The following DECR2 variants were observed in gnomAD, a reference collection of about 807,000 sequenced individuals.
DECR2 encodes the protein 2,4-dienoyl-CoA reductase 2, also known as peroxisomal 2,4-dienoyl-CoA reductase [(3E)-enoyl-CoA-producing].
In DECR2, 34 loss-of-function variants were observed where a neutral mutation model predicts 29.2. The ratio of observed to expected loss-of-function variants is 1.16; its 90% confidence interval spans 0.89 to 1.55. The LOEUF (loss-of-function observed/expected upper bound fraction) is 1.55, where lower values mean the gene tolerates loss of function less well. Ranked by LOEUF, DECR2 falls within the 40% of genes most tolerant of loss-of-function variation. DECR2 has a pLI of 0.00. For synonymous variants in DECR2, 224 were observed against 182.7 expected, an observed-to-expected ratio of 1.23 and a Z score of -1.82; for missense variants, 485 against 425.3, an observed-to-expected ratio of 1.14 and a Z score of -1.23.
rs563150166 is a variant in DECR2, at chr16:410,962, T to C, written c.557-10T>C. On this transcript the variant is annotated splice_polypyrimidine_tract_variant and intron_variant, in intron 6 of 8. Coordinates refer to ENST00000219481, the MANE Select transcript of DECR2 (RefSeq NM_020664.4). The surrounding 1 kb of genome is among the most constrained non-coding windows in gnomAD (Gnocchi z 4.1). ...AGCGGCCCTTTCATATCCAACTTTC[T>C]TCTGTGCAGACGCGATGACGCGGCA... 1 of 1,590,474 alleles carries C rather than the reference T, an allele frequency of 6.3e-7. No homozygotes were observed. The highest frequency in any genetic ancestry group is 2.3e-5 in the East Asian group (1 of 43,622).
intron 4 of DECR2, 22 bp downstream of exon 4, chr16:407,582 T>C (rs1310093608): frequency 6.2e-7 from 1 of 1,612,514 alleles, no homozygotes; most frequent in East Asian, 2.2e-5. Flanking sequence ...CTGAGTGAGG[T>C]TGGTGGCTTC....
intron 4 of DECR2, 41 bp downstream of exon 4, chr16:407,601 T>C: frequency 6.2e-7 from 1 of 1,609,426 alleles, no homozygotes; most frequent in Non-Finnish European, 8.5e-7. Context: ...TCTCACAGGT[T>C]GGTGGTACCA....
At chr16:408,142 T>C (rs71382277) in intron 4 of DECR2, among the ~76,000 whole-genome samples, 295 of 14,226 alleles carry the variant, frequency 0.021, 42 homozygotes, top group Admixed American at 0.028. Context: ...TCTCCGGGCC[T>C]CTGTCTCCGG....
At chr16:406,318 G>T in intron 2 of DECR2, 28 bp from the exon 3 acceptor site, 1 of 1,603,122 alleles carries the variant, frequency 6.2e-7, no homozygotes. Flanking sequence ...CGCCCACACT[G>T]CCCTCACACC....
At chr16:405,879 A>G (rs2054718308) in intron 2 of DECR2, among the ~76,000 whole-genome samples, 1 of 152,178 alleles carries the variant, frequency 6.6e-6, no homozygotes, top group Non-Finnish European at 1.5e-5. Flanking sequence ...AGAACAGTAG[A>G]TAAGCTGGAA....
rs374820826 is a variant in DECR2 at position 407,455 on chromosome 16, C to T, written c.232C>T (p.Arg78Trp). Reference protein sequence around the residue: ...AARKLAGATGRRCLPLSMDVR... With the variant: ...AARKLAGATGWRCLPLSMDVR... ...CAGGAAGCTGGCTGGGGCCACCGGC[C>T]GGCGCTGCCTCCCTCTCTCTATGGA... Residue 78 changes from arginine to tryptophan, a missense_variant, in exon 4 of 9, where the codon CGG becomes TGG. Transcript: ENST00000219481. 3.5e-5 allele frequency: 57 copies of T among 1,611,672 alleles called. No homozygotes were observed. The African/African-American group carries it at 4.5e-4, about 13-fold the overall frequency.
At position 411,043 on chromosome 16, in the gene DECR2, C is replaced by T; in HGVS notation, c.628C>T (p.Pro210Ser). ...CCGCGTCAACAGCCTCGCCCCTGGC[C>T]CCATCAGTGGCACAGAGGGGCTCCG... ...NIRVNSLAPGPISGTEGLRRL... is the reference protein window; with the variant it reads ...NIRVNSLAPGSISGTEGLRRL... The change falls in exon 7 of 9, where the codon CCC (proline) becomes TCC (serine). Residue 210 changes from proline (P) to serine (S), a missense_variant. Pro to Ser is a moderately conservative substitution (Grantham distance 74, BLOSUM62 -1). Coordinates refer to ENST00000219481, the MANE Select transcript of DECR2 (RefSeq NM_020664.4). The T allele has an allele frequency of 6.3e-7, 1 of 1,584,196 alleles. No homozygotes were observed. Among genetic ancestry groups the T allele is most frequent in the Non-Finnish European group, 8.6e-7 (1 of 1,167,530 alleles).
rs1453357943 is a variant in DECR2 at position 401,938 on chromosome 16, TC to T, written c.-22del. The T allele has an allele frequency of 6.8e-7, 1 of 1,476,384 alleles. No homozygotes were observed. Among genetic ancestry groups the T allele is most frequent in the Non-Finnish European group, 8.9e-7 (1 of 1,120,428 alleles). The allele number at this position is 1,476,384 out of a possible 1,614,324, so 91.5% of individuals were successfully genotyped here. On this transcript the variant is annotated 5_prime_UTR_variant, in exon 1 of 9. Coordinates refer to ENST00000219481, the MANE Select transcript of DECR2 (RefSeq NM_020664.4). ...AGGCCGAGGCCGCTCCCGCCCGTTG[TC>T]CCCGCAGTCCCCGACGGGAGCGCCA... is the stretch of plus-strand genomic sequence containing the variant.
rs369700784 is a variant in DECR2, at chr16:406,642, T to C, written c.201+245T>C. On this transcript the variant is annotated intron_variant, in intron 3 of 8. Transcript: ENST00000219481. ...CCTCCGGAGTAGCTGGGACTACAGGTGCCCGCCACCACGCCTGGCTAATTT... is the reference window on the plus strand; with the variant it reads ...CCTCCGGAGTAGCTGGGACTACAGGCGCCCGCCACCACGCCTGGCTAATTT... The C allele has an allele frequency of 7.0e-3, 4,408 of 634,214 alleles. 51 individuals carry two copies. The highest frequency in any genetic ancestry group is 0.024 in the East Asian group (779 of 32,842). 39.3% of individuals were successfully genotyped at this position (634,214 alleles called of 1,614,324 possible).
intron 2 of DECR2, chr16:405,593 G>A (rs1162120170): frequency 2.3e-6 from 3 of 1,304,308 alleles, no homozygotes; most frequent in Admixed American, 2.3e-5. Context: ...GTTATTGTGG[G>A]CAAGCAACCC....
At position 407,456 on chromosome 16, in the gene DECR2, G is replaced by T; in HGVS notation, c.233G>T (p.Arg78Leu). Residue 78 changes from arginine to leucine, a missense_variant, in exon 4 of 9, where the codon CGG (arginine) becomes CTG (leucine). Coordinates refer to ENST00000219481, the MANE Select transcript of DECR2 (RefSeq NM_020664.4). ...AGGAAGCTGGCTGGGGCCACCGGCC[G>T]GCGCTGCCTCCCTCTCTCTATGGAC... ...AARKLAGATG[R>L]RCLPLSMDVR... 1.2e-6 allele frequency: 2 copies of T among 1,611,730 alleles called. No homozygotes were observed. The highest frequency in any genetic ancestry group is 1.7e-6 in the Non-Finnish European group (2 of 1,179,320).
intron 3 of DECR2, 122 bp downstream of exon 3, chr16:406,519 CGGGA>C: frequency 1.0e-6 from 1 of 956,428 alleles, no homozygotes; most frequent in Non-Finnish European, 1.6e-6. Context: ...TTTTCTGAGA[CGGGA>C]GTCTCGCTCT....
chr16:407,159 G>C, intron 3 of DECR2: 4 of 1,278,736 alleles, frequency 3.1e-6, no homozygotes, highest in Non-Finnish European at 4.0e-6. Context: ...CTGCAGCAGG[G>C]GCAGGACATG....
intron 4 of DECR2, among the ~76,000 whole-genome samples, chr16:409,334 C>A (rs1167889572): frequency 3.3e-5 from 5 of 151,496 alleles, no homozygotes; most frequent in African/African-American, 9.7e-5. Context: ...CCACGCCTGG[C>A]TAACTTTTTG....
At chr16:402,962 G>C in intron 1 of DECR2, 1 of 909,456 alleles carries the variant, frequency 1.1e-6, no homozygotes, top group South Asian at 5.1e-5. Context: ...TGGGCAACAA[G>C]AGTGAAACTC....
intron 1 of DECR2, 136 bp downstream of exon 1, chr16:402,179 C>CT (rs541347056): frequency 0.15 from 79,667 of 523,476 alleles, 1,895 homozygotes; most frequent in African/African-American, 0.28. Flanking sequence ...TTTTTTCTTT[C>CT]TTTTTTTTTT....
rs528305519 is a variant in DECR2 at position 406,654 on chromosome 16, C to T, written c.201+257C>T. ...CTGGGACTACAGGTGCCCGCCACCA[C>T]GCCTGGCTAATTTTTGCATTTTTTT... On this transcript the variant is annotated intron_variant, in intron 3 of 8. Coordinates refer to ENST00000219481, the MANE Select transcript of DECR2 (RefSeq NM_020664.4). The T allele has an allele frequency of 3.2e-4, 201 of 625,954 alleles. 2 individuals are homozygous for T. The highest frequency in any genetic ancestry group is 1.8e-3 in the Middle Eastern group (4 of 2,254). The allele number at this position is 625,954 out of a possible 1,614,324, so 38.8% of individuals were successfully genotyped here.
chr16:404,739 C>T lies in DECR2; in HGVS notation c.81-217C>T, dbSNP rs191012956. On this transcript the variant is annotated intron_variant, in intron 1 of 8. Transcript: ENST00000219481. ...CTGCCTCCCGGGTTCAAGCTATTCT[C>T]CTGCCTCAGCCTCCCAAGTAGCTAG... 7.3e-3 allele frequency among the ~76,000 whole-genome samples: 1,107 copies of T among 152,220 alleles called. 3 individuals are homozygous for T. Among genetic ancestry groups the T allele is most frequent in the Non-Finnish European group, 0.011 (764 of 68,010 alleles).
Position 410,937 on chromosome 16 carries a change from A to C in DECR2, c.557-35A>C. The C allele has an allele frequency of 1.3e-6, 2 of 1,563,596 alleles. No homozygotes were observed. The highest frequency in any genetic ancestry group is 1.7e-6 in the Non-Finnish European group (2 of 1,153,776). Reference sequence around the variant, plus strand: ...GGCCCTGCGCCCTCGCAGAGGGCAGAGCGGCCCTTTCATATCCAACTTTCT... The same window carrying C: ...GGCCCTGCGCCCTCGCAGAGGGCAGCGCGGCCCTTTCATATCCAACTTTCT... On this transcript the variant is annotated intron_variant, in intron 6 of 8. Transcript: ENST00000219481. The surrounding 1 kb of genome is among the most constrained non-coding windows in gnomAD (Gnocchi z 4.1).
Sources: gnomAD v4.1 joint callset for allele counts (sites outside exome capture counted in the v4.1 genomes callset) on GRCh38, gnomAD v4.1.1 for gene constraint, Gnocchi (gnomAD v3.1) non-coding constraint, MANE v1.5 for transcripts, NCBI Gene and HGNC (gene_info 2026-07-23, HGNC 2026-07-21) for gene names.